Variants in ERBB4 observed in about 807,000 individuals in gnomAD.
The protein encoded by ERBB4 is erb-b2 receptor tyrosine kinase 4.
Under a neutral mutation model 158.0 loss-of-function variants are expected in ERBB4, and 42 were observed. The observed-to-expected ratio is 0.27, with a 90% CI of 0.21 to 0.34. The LOEUF is 0.34. Ranked by LOEUF, ERBB4 falls within the 10% of genes least tolerant of loss-of-function variation. The probability of loss-of-function intolerance (pLI) is 1.00; values close to 1 mark genes in which losing one functional copy is unlikely to be tolerated. For missense variants in ERBB4, 1,333 were observed against 1,624.1 expected, an observed-to-expected ratio of 0.82 and a Z score of 3.08; for synonymous variants, 583 against 558.7, an observed-to-expected ratio of 1.04 and a Z score of -0.61.
chr2:211,911,671 G>A (rs943929789), intron 3 of ERBB4, among the ~76,000 whole-genome samples: 3 of 152,124 alleles, frequency 2.0e-5, no homozygotes, highest in African/African-American at 7.2e-5. Context: ...AAGAAATAAT[G>A]TGATGGAGAA....
At chr2:211,971,701 A>G (rs184378233) in intron 2 of ERBB4, among the ~76,000 whole-genome samples, 37 of 152,312 alleles carry the variant, frequency 2.4e-4, no homozygotes, top group African/African-American at 8.7e-4. Flanking sequence ...CTTATCCATT[A>G]TGATCAAGTA....
chr2:212,063,671 CA>C (rs1177589132), intron 2 of ERBB4, among the ~76,000 whole-genome samples: 1 of 151,830 alleles, frequency 6.6e-6, no homozygotes, highest in African/African-American at 2.4e-5. Flanking sequence ...ATGGCAAAAA[CA>C]AACGTAAAAA....
At chr2:211,812,398 T>G (rs1051646649) in intron 3 of ERBB4, among the ~76,000 whole-genome samples, 1 of 152,200 alleles carries the variant, frequency 6.6e-6, no homozygotes, top group Non-Finnish European at 1.5e-5. Context: ...GCTGCCTGAT[T>G]CTTCCTCTGG....
intron 3 of ERBB4, among the ~76,000 whole-genome samples, chr2:211,875,969 C>T (rs2078488708): frequency 6.6e-6 from 1 of 152,150 alleles, no homozygotes; most frequent in Non-Finnish European, 1.5e-5. Context: ...TGTAAATACA[C>T]TCTATGATGT....
chr2:211,859,371 A>AAATTATCT (rs1423341723), intron 3 of ERBB4, among the ~76,000 whole-genome samples: 1 of 152,180 alleles, frequency 6.6e-6, no homozygotes, highest in Non-Finnish European at 1.5e-5. Flanking sequence ...TGGTTCACAT[A>AAATTATCT]AATTATCTAA....
At chr2:211,659,552 T>C (rs1316209764) in intron 15 of ERBB4, among the ~76,000 whole-genome samples, 2 of 152,146 alleles carry the variant, frequency 1.3e-5, no homozygotes, top group Admixed American at 1.3e-4. Context: ...AAATTAAAAG[T>C]CTGCTTATCA....
intron 2 of ERBB4, among the ~76,000 whole-genome samples, chr2:212,056,477 C>A (rs564524558): frequency 6.6e-6 from 1 of 152,222 alleles, no homozygotes; most frequent in South Asian, 2.1e-4. Context: ...ACATAATTGT[C>A]AGATTCACCA....
rs549047660 is a variant in ERBB4, at chr2:211,376,038, A to G, written c.*7577T>C. 2 of 233,092 alleles carry G rather than the reference A, an allele frequency of 8.6e-6. No homozygotes were observed. The highest frequency in any genetic ancestry group is 1.2e-4 in the East Asian group (2 of 16,496). The allele number at this position is 233,092 out of a possible 1,614,324, so 14.4% of individuals were successfully genotyped here. ...GTAAAAGGTTGGAGGAGAAGAAAGAATAAGAGAAAGTATACTAAAAATATG... is the reference window on the plus strand; with the variant it reads ...GTAAAAGGTTGGAGGAGAAGAAAGAGTAAGAGAAAGTATACTAAAAATATG... On this transcript the variant is annotated 3_prime_UTR_variant, in exon 28 of 28. Transcript: ENST00000342788.
intron 1 of ERBB4, among the ~76,000 whole-genome samples, chr2:212,210,738 C>T (rs989234780): frequency 3.9e-5 from 6 of 152,098 alleles, no homozygotes; most frequent in Non-Finnish European, 8.8e-5. Flanking sequence ...TCACCACCTA[C>T]TCCTCAATTT....
chr2:211,641,687 C>A lies in ERBB4; in HGVS notation c.1947-11093G>T, dbSNP rs1231921436. On this transcript the variant is annotated intron_variant, in intron 16 of 27. Coordinates refer to ENST00000342788, the MANE Select transcript of ERBB4 (RefSeq NM_005235.3). ...AATTTGGTAGTTTTTATAGAAGAAACCTTATGTTCCAGATGCAAAGCTGTA... is the reference window on the plus strand; with the variant it reads ...AATTTGGTAGTTTTTATAGAAGAAAACTTATGTTCCAGATGCAAAGCTGTA... 2.0e-5 allele frequency among the ~76,000 whole-genome samples: 3 copies of A among 152,022 alleles called. No individual in the cohort carries two copies. In the East Asian group the frequency reaches 5.8e-4, roughly 29 times the overall value.
chr2:212,477,626 T>C (rs992101813), intron 1 of ERBB4, among the ~76,000 whole-genome samples: 8 of 152,206 alleles, frequency 5.3e-5, no homozygotes, highest in African/African-American at 1.9e-4. Flanking sequence ...CAATGTTCCC[T>C]TCTTGAATAT....
chr2:212,470,089 G>A (rs1689040026), intron 1 of ERBB4, among the ~76,000 whole-genome samples: 1 of 151,790 alleles, frequency 6.6e-6, no homozygotes, highest in South Asian at 2.1e-4. Flanking sequence ...TTTTTTAAAT[G>A]TCCGGTTTGT....
At chr2:212,101,211 G>C (rs1363440562) in intron 2 of ERBB4, among the ~76,000 whole-genome samples, 2 of 151,630 alleles carry the variant, frequency 1.3e-5, no homozygotes, top group Non-Finnish European at 2.9e-5. Context: ...AAAAGAAAAA[G>C]AACATTCCAG....
At chr2:211,449,940 T>TC (rs2064203474) in intron 20 of ERBB4, among the ~76,000 whole-genome samples, 1 of 152,184 alleles carries the variant, frequency 6.6e-6, no homozygotes, top group South Asian at 2.1e-4. Context: ...TAATGAACAC[T>TC]CATCTAGCGC....
chr2:211,673,994 T>C (rs1316088677), intron 13 of ERBB4, among the ~76,000 whole-genome samples: 1 of 152,130 alleles, frequency 6.6e-6, no homozygotes, highest in South Asian at 2.1e-4. Context: ...CCTTCCTATA[T>C]CCTTACATTT....
intron 1 of ERBB4, among the ~76,000 whole-genome samples, chr2:212,413,339 C>T (rs1373033390): frequency 6.6e-6 from 1 of 151,204 alleles, no homozygotes; most frequent in Non-Finnish European, 1.5e-5. Flanking sequence ...TGTACTTCTA[C>T]TCTCTTATTT....
intron 19 of ERBB4, among the ~76,000 whole-genome samples, chr2:211,615,770 T>C (rs1401930675): frequency 6.6e-6 from 1 of 152,120 alleles, no homozygotes; most frequent in African/African-American, 2.4e-5. Flanking sequence ...AGTTGCCACA[T>C]TTGTGTTATT....
chr2:212,278,078 T>C (rs1386941506), intron 1 of ERBB4, among the ~76,000 whole-genome samples: 1 of 151,760 alleles, frequency 6.6e-6, no homozygotes, highest in Non-Finnish European at 1.5e-5. Flanking sequence ...CCGCTAATAT[T>C]GTTAAATAGA....
At chr2:211,754,827 G>A (rs13032070) in intron 4 of ERBB4, among the ~76,000 whole-genome samples, 46,723 of 151,466 alleles carry the variant, frequency 0.31, 7,304 homozygotes, top group South Asian at 0.44. Flanking sequence ...TAGCCTCCCA[G>A]CTAGCTGGGA....
Sources: allele counts gnomAD v4.1 joint callset (sites outside exome capture counted in the v4.1 genomes callset), GRCh38; gene constraint gnomAD v4.1.1; transcripts MANE v1.5; gene names NCBI Gene and HGNC (gene_info 2026-07-23, HGNC 2026-07-21).